CDH13: variants seen among roughly 807,000 people sequenced by gnomAD.
The protein encoded by CDH13 is cadherin 13, also known as cadherin-13.
In CDH13, 24 loss-of-function variants were observed where a neutral mutation model predicts 63.8. The observed-to-expected ratio is 0.38, with a 90% CI of 0.27 to 0.53. CDH13 has a LOEUF of 0.53. Ranked by LOEUF, CDH13 falls within the 20% of genes least tolerant of loss-of-function variation. The probability of loss-of-function intolerance (pLI) is 0.85; values close to 1 mark genes in which losing one functional copy is unlikely to be tolerated. For synonymous variants in CDH13, 503 were observed against 355.3 expected (o/e 1.42, Z -4.67); for missense variants, 1,049 against 903.1 (o/e 1.16, Z -2.07).
intron 6 of CDH13, among the ~76,000 whole-genome samples, chr16:83,347,521 G>A (rs1314392447): frequency 6.6e-6 from 1 of 152,150 alleles, no homozygotes; most frequent in Non-Finnish European, 1.5e-5. Flanking sequence ...CAGCCATCAG[G>A]TATCATAGCA....
intron 2 of CDH13, among the ~76,000 whole-genome samples, chr16:82,975,240 A>G (rs1909334667): frequency 6.6e-6 from 1 of 152,236 alleles, no homozygotes; most frequent in Non-Finnish European, 1.5e-5. Flanking sequence ...TGCACAAATC[A>G]TTAGGAAAGC....
intron 2 of CDH13, among the ~76,000 whole-genome samples, chr16:82,996,688 T>A (rs1383349343): frequency 6.6e-6 from 1 of 152,200 alleles, no homozygotes; most frequent in East Asian, 1.9e-4. Context: ...TTATTTAGGA[T>A]ATCTTAGAAA....
intron 2 of CDH13, among the ~76,000 whole-genome samples, chr16:83,002,172 G>T (rs995861767): frequency 2.0e-5 from 3 of 152,188 alleles, no homozygotes; most frequent in African/African-American, 4.8e-5. Flanking sequence ...TGGAAAAAGG[G>T]TCTTTGAAGA....
At chr16:82,942,562 C>T (rs893050396) in intron 2 of CDH13, among the ~76,000 whole-genome samples, 14 of 152,224 alleles carry the variant, frequency 9.2e-5, no homozygotes, top group East Asian at 3.9e-4. Context: ...GTACTTTGTG[C>T]GTCTGCATTC....
chr16:82,693,252 C>G (rs1267920757), intron 1 of CDH13, among the ~76,000 whole-genome samples: 1 of 152,172 alleles, frequency 6.6e-6, no homozygotes, highest in African/African-American at 2.4e-5. Flanking sequence ...TGTTTCCTGA[C>G]CCAGTTAACC....
At chr16:82,632,006 A>G (rs190699690) in intron 1 of CDH13, among the ~76,000 whole-genome samples, 2 of 152,074 alleles carry the variant, frequency 1.3e-5, no homozygotes, top group African/African-American at 4.8e-5. Context: ...GTTTGGCTCA[A>G]ATGTTTTGCA....
chr16:83,241,830 T>G (rs1904481437), intron 5 of CDH13, among the ~76,000 whole-genome samples: 1 of 152,212 alleles, frequency 6.6e-6, no homozygotes, highest in Non-Finnish European at 1.5e-5. Context: ...GCATAAGTTT[T>G]TAAGTTTGAT....
chr16:83,727,178 G>C lies in CDH13; in HGVS notation c.1539-20930G>C, dbSNP rs555186753. ...CCCCATCCCCCTTAACCGTTAACGT[G>C]CTTCCTTCTCCCCACTGCTCTAGTG... On this transcript the variant is annotated intron_variant, in intron 10 of 13. Transcript: ENST00000567109. Among the ~76,000 whole-genome samples, 24 of 151,994 alleles carry C rather than the reference G, an allele frequency of 1.6e-4. No individual in the cohort carries two copies. The East Asian group carries it at 4.6e-3, about 29-fold the overall frequency.
chr16:83,272,144 A>C (rs750634749), intron 5 of CDH13, among the ~76,000 whole-genome samples: 3 of 152,172 alleles, frequency 2.0e-5, no homozygotes, highest in Admixed American at 1.3e-4. Flanking sequence ...AGTCCTCACC[A>C]CTGGGGATGC....
At chr16:82,767,935 A>T (rs921506535) in intron 1 of CDH13, among the ~76,000 whole-genome samples, 13 of 152,222 alleles carry the variant, frequency 8.5e-5, no homozygotes, top group African/African-American at 3.1e-4. Context: ...GAGTGGATCT[A>T]GAGTGACCAT....
intron 2 of CDH13, among the ~76,000 whole-genome samples, chr16:82,945,087 C>T (rs945178202): frequency 6.6e-6 from 1 of 152,080 alleles, no homozygotes; most frequent in Admixed American, 6.5e-5. Context: ...TTTTGTTATC[C>T]ATGAGGAGAA....
intron 2 of CDH13, among the ~76,000 whole-genome samples, chr16:82,946,655 A>C (rs993836008): frequency 6.6e-6 from 1 of 152,016 alleles, no homozygotes; most frequent in Non-Finnish European, 1.5e-5. Flanking sequence ...CAGGAGGTGG[A>C]GGTTGCAGTG....
intron 3 of CDH13, among the ~76,000 whole-genome samples, chr16:83,068,778 C>T (rs373912018): frequency 6.6e-6 from 1 of 152,174 alleles, no homozygotes; most frequent in Non-Finnish European, 1.5e-5. Flanking sequence ...TCTGCAAGTT[C>T]ATGGAGTGCA....
At chr16:83,279,059 A>G (rs2089080745) in intron 5 of CDH13, among the ~76,000 whole-genome samples, 1 of 150,344 alleles carries the variant, frequency 6.7e-6, no homozygotes, top group Non-Finnish European at 1.5e-5. Context: ...AGAATGAATC[A>G]ACTACTTTTG....
At chr16:82,738,860 C>G (rs1286042635) in intron 1 of CDH13, among the ~76,000 whole-genome samples, 1 of 152,180 alleles carries the variant, frequency 6.6e-6, no homozygotes, top group Non-Finnish European at 1.5e-5. Context: ...ACATGTCTTA[C>G]CATTTATTCT....
At chr16:82,921,454 A>G (rs910035714) in intron 2 of CDH13, among the ~76,000 whole-genome samples, 1 of 152,180 alleles carries the variant, frequency 6.6e-6, no homozygotes, top group Non-Finnish European at 1.5e-5. Flanking sequence ...TCCATTTATA[A>G]GAAAACAGTG....
At chr16:83,099,844 G>C (rs1241432854) in intron 3 of CDH13, among the ~76,000 whole-genome samples, 2 of 152,116 alleles carry the variant, frequency 1.3e-5, no homozygotes, top group Non-Finnish European at 2.9e-5. Flanking sequence ...AGACGCGGGA[G>C]AGCACTCAGT....
chr16:82,929,947 A>T (rs2042432637), intron 2 of CDH13, among the ~76,000 whole-genome samples: 1 of 151,482 alleles, frequency 6.6e-6, no homozygotes, highest in Non-Finnish European at 1.5e-5. Context: ...AAACAGAGTT[A>T]TGACTGGCCA....
intron 1 of CDH13, among the ~76,000 whole-genome samples, chr16:82,693,116 T>A (rs1483360823): frequency 6.6e-6 from 1 of 152,156 alleles, no homozygotes; most frequent in Admixed American, 6.5e-5. Context: ...CTCAGTATAA[T>A]AGCCTCAAAG....
Sources: allele counts gnomAD v4.1 joint callset (sites outside exome capture counted in the v4.1 genomes callset), GRCh38; gene constraint gnomAD v4.1.1; transcripts MANE v1.5; gene names NCBI Gene and HGNC (gene_info 2026-07-23, HGNC 2026-07-21).